SLC6A14: variants seen among roughly 807,000 people sequenced by gnomAD.
SLC6A14 encodes the protein sodium- and chloride-dependent neutral and basic amino acid transporter B(0+).
In SLC6A14, 21 loss-of-function variants were observed where a neutral mutation model predicts 51.4. The observed-to-expected ratio is 0.41, with a 90% CI of 0.29 to 0.59. The LOEUF (loss-of-function observed/expected upper bound fraction) is 0.59. Ranked by LOEUF, SLC6A14 falls within the 20% of genes least tolerant of loss-of-function variation. The probability of loss-of-function intolerance (pLI) is 0.31; values close to 1 mark genes in which losing one functional copy is unlikely to be tolerated. For missense variants in SLC6A14, 371 were observed against 472.8 expected (o/e 0.78, Z 2.00); for synonymous variants, 177 against 160.7 (o/e 1.10, Z -0.77).
At chrX:116,456,510 GA>G (rs1927937917) in intron 12 of SLC6A14, among the ~76,000 whole-genome samples, 1 of 110,901 alleles carries the variant, frequency 9.0e-6, no homozygotes, top group African/African-American at 3.3e-5. Flanking sequence ...TGTCAACTTA[GA>G]AGGTCTAGCT....
At chrX:116,440,303 C>T (rs1361302316) in intron 2 of SLC6A14, among the ~76,000 whole-genome samples, 5 of 112,175 alleles carry the variant, frequency 4.5e-5, no homozygotes, top group East Asian at 5.6e-4. Flanking sequence ...CTCAAAAGTT[C>T]AGAGTCTTCA....
At position 116,461,288 on chromosome X, in the gene SLC6A14, T is replaced by C. The variant is rs916837953; in HGVS notation, c.*2333T>C. The C allele has an allele frequency of 4.3e-5, 5 of 117,616 alleles. No homozygotes were observed. Among genetic ancestry groups the C allele is most frequent in the Admixed American group, 1.8e-4 (2 of 11,197 alleles). The allele number at this position is 117,616 out of a possible 1,213,427, so 9.7% of individuals were successfully genotyped here. On this transcript the variant is annotated 3_prime_UTR_variant, in exon 14 of 14. Transcript: ENST00000598581. ...GGTGCTCAATGGTGGTTTTTATTAT[T>C]ATTACTCAGATTCCACAGTGGCAAG...
chrX:116,447,843 C>T (rs1487907558), intron 7 of SLC6A14, among the ~76,000 whole-genome samples: 4 of 110,986 alleles, frequency 3.6e-5, no homozygotes, highest in Admixed American at 9.6e-5. Context: ...GCGATCCACC[C>T]GCCTTGGCCT....
intron 13 of SLC6A14, 66 bp downstream of exon 13, chrX:116,457,842 C>T: frequency 1.2e-6 from 1 of 819,421 alleles, no homozygotes; most frequent in Non-Finnish European, 1.8e-6. Flanking sequence ...GATTAATTTA[C>T]TCACATGGTA....
intron 3 of SLC6A14, 54 bp from the exon 4 acceptor site, chrX:116,442,632 CA>C (rs1927621304): frequency 1.1e-6 from 1 of 948,785 alleles, no homozygotes; most frequent in African/African-American, 2.0e-5. Flanking sequence ...TATGAATTAG[CA>C]AAGTAAATTT....
Position 116,442,669 on chromosome X carries a change from T to C in SLC6A14, c.347-18T>C. On this transcript the variant is annotated intron_variant, in intron 3 of 13. Coordinates refer to ENST00000598581, the MANE Select transcript of SLC6A14 (RefSeq NM_007231.5). ...TACTTGAGTTTGGTTTTTATTTTAA[T>C]TGTTCTTTTTTTTCCAGGTGTGGGA... 9.2e-7 allele frequency: 1 copy of C among 1,088,819 alleles called. No individual in the cohort carries two copies. Among genetic ancestry groups the C allele is most frequent in the South Asian group, 2.6e-5 (1 of 37,989 alleles). The allele number at this position is 1,088,819 out of a possible 1,213,427, so 89.7% of individuals were successfully genotyped here. A position where few individuals can be genotyped will look rare whatever the true frequency, so the allele number is the denominator to read the frequency against.
At position 116,458,893 on chromosome X, in the gene SLC6A14, G is replaced by A; in HGVS notation, c.1867G>A (p.Asp623Asn). 1 of 1,203,185 alleles carries A rather than the reference G, an allele frequency of 8.3e-7. No individual in the cohort carries two copies. The highest frequency in any genetic ancestry group is 1.1e-6 in the Non-Finnish European group (1 of 890,490). The change falls in exon 14 of 14, where the codon GAT becomes AAT. Residue 623 changes from aspartate (D) to asparagine (N), a missense_variant. Coordinates refer to ENST00000598581, the MANE Select transcript of SLC6A14 (RefSeq NM_007231.5). ...TGGGGAAAGATATAAAGACATGGTA[G>A]ATCCTAAAAAAGAGGCTGACCATGA... is the stretch of plus-strand genomic sequence containing the variant. ...HRGERYKDMV[D>N]PKKEADHEIP...
intron 1 of SLC6A14, 139 bp downstream of exon 1, chrX:116,436,896 T>C: frequency 3.9e-6 from 2 of 508,043 alleles, no homozygotes; most frequent in Non-Finnish European, 6.5e-6. Context: ...GTGACTGAGA[T>C]ATACCTATAG....
chrX:116,454,588 T>C, intron 10 of SLC6A14, 146 bp downstream of exon 10: 4 of 442,162 alleles, frequency 9.0e-6, no homozygotes, highest in Non-Finnish European at 1.6e-5. Context: ...AGCCCATTTT[T>C]CTCCATTATT....
In SLC6A14 at chrX:116,461,277, G is replaced by T. The variant is rs1415481541; in HGVS notation, c.*2322G>T. The T allele has an allele frequency of 8.6e-6, 1 of 116,496 alleles. No individual in the cohort carries two copies. Among genetic ancestry groups the T allele is most frequent in the Non-Finnish European group, 1.8e-5 (1 of 56,206 alleles). 9.6% of individuals were successfully genotyped at this position (116,496 alleles called of 1,213,427 possible). On this transcript the variant is annotated 3_prime_UTR_variant, in exon 14 of 14. Coordinates refer to ENST00000598581, the MANE Select transcript of SLC6A14 (RefSeq NM_007231.5). ...GCATATTGTAGGGTGCTCAATGGTG[G>T]TTTTTATTATTATTACTCAGATTCC...
intron 2 of SLC6A14, among the ~76,000 whole-genome samples, chrX:116,440,493 C>T (rs1556693587): frequency 8.9e-6 from 1 of 112,039 alleles, no homozygotes; most frequent in Non-Finnish European, 1.9e-5. Flanking sequence ...TGAACATGGG[C>T]TATGTGCCTG....
intron 13 of SLC6A14, 107 bp downstream of exon 13, chrX:116,457,883 T>C: frequency 3.4e-6 from 2 of 593,013 alleles, no homozygotes; most frequent in Admixed American, 5.9e-5. Context: ...ATACAATTAA[T>C]TACTCCTTCC....
chrX:116,454,807 T>C (rs1254624584), intron 10 of SLC6A14, among the ~76,000 whole-genome samples, 170 bp from the exon 11 acceptor site: 1 of 112,054 alleles, frequency 8.9e-6, no homozygotes. Context: ...ATTCTTGAGA[T>C]ATTTAAAGTC....
chrX:116,440,922 C>G, intron 2 of SLC6A14, 44 bp from the exon 3 acceptor site: 1 of 1,194,538 alleles, frequency 8.4e-7, no homozygotes, highest in Non-Finnish European at 1.1e-6. Context: ...GCCATCAAGA[C>G]TTCGAGCTGT....
intron 3 of SLC6A14, among the ~76,000 whole-genome samples, chrX:116,441,650 G>T (rs1203838742): frequency 8.1e-5 from 9 of 111,745 alleles, no homozygotes; most frequent in African/African-American, 2.9e-4. Flanking sequence ...TGTGCTAGCT[G>T]CTGAAAATTA....
intron 11 of SLC6A14, 107 bp from the exon 12 acceptor site, chrX:116,455,250 T>C (rs1466319166): frequency 8.7e-6 from 6 of 691,575 alleles, no homozygotes; most frequent in Non-Finnish European, 1.3e-5. Context: ...GTATGATTCA[T>C]TGTTGTGGTA....
At chrX:116,457,079 G>T (rs181143912) in intron 12 of SLC6A14, among the ~76,000 whole-genome samples, 20 of 111,606 alleles carry the variant, frequency 1.8e-4, no homozygotes, top group Non-Finnish European at 3.0e-4. Flanking sequence ...GTGTGTAAAT[G>T]CATGTGTGTT....
At chrX:116,447,775 T>G (rs1927746997) in intron 7 of SLC6A14, among the ~76,000 whole-genome samples, 1 of 110,038 alleles carries the variant, frequency 9.1e-6, no homozygotes, top group African/African-American at 3.3e-5. Context: ...TTTTGTATTT[T>G]TAGTAGAGAT....
chrX:116,442,607 G>A, intron 3 of SLC6A14, 80 bp from the exon 4 acceptor site: 1 of 801,839 alleles, frequency 1.2e-6, no homozygotes, highest in Non-Finnish European at 1.7e-6. Flanking sequence ...TGTGGTAATT[G>A]AGATACAGCT....
Sources: allele counts gnomAD v4.1 joint callset (sites outside exome capture counted in the v4.1 genomes callset), GRCh38; gene constraint gnomAD v4.1.1; transcripts MANE v1.5; gene names NCBI Gene and HGNC (gene_info 2026-07-23, HGNC 2026-07-21).